CNTNAP5: variants seen among roughly 807,000 people sequenced by gnomAD.
CNTNAP5 encodes the protein contactin-associated protein-like 5.
Under a neutral mutation model 150.2 loss-of-function variants are expected in CNTNAP5, and 72 were observed. That is an observed-to-expected ratio of 0.48 (90% CI 0.40 to 0.58). The LOEUF (loss-of-function observed/expected upper bound fraction) is 0.58, where lower values mean the gene tolerates loss of function less well. Among genes scored for constraint, CNTNAP5 ranks in the 20% least tolerant of loss-of-function variants. CNTNAP5 has a pLI of 0.00. For synonymous variants in CNTNAP5, 672 were observed against 619.8 expected (o/e 1.08, Z -1.25); for missense variants, 1,636 against 1,626.2 (o/e 1.01, Z -0.10).
chr2:124,907,876 T>C (rs532851565), intron 22 of CNTNAP5, among the ~76,000 whole-genome samples: 89 of 151,022 alleles, frequency 5.9e-4, no homozygotes, highest in African/African-American at 1.9e-3. Context: ...AGTATTTTAT[T>C]TGTAGCTTTA....
intron 3 of CNTNAP5, among the ~76,000 whole-genome samples, chr2:124,276,379 T>C (rs1164884503): frequency 6.6e-6 from 1 of 152,200 alleles, no homozygotes; most frequent in Non-Finnish European, 1.5e-5. Context: ...AAAGGAAGTA[T>C]TGACTTATCT....
chr2:124,744,707 A>G (rs1055045349), intron 13 of CNTNAP5, among the ~76,000 whole-genome samples: 2 of 152,160 alleles, frequency 1.3e-5, no homozygotes, highest in Non-Finnish European at 2.9e-5. Flanking sequence ...TCCTGTCAGG[A>G]AAGAAAAAGT....
At chr2:124,884,373 A>G (rs1048416412) in intron 21 of CNTNAP5, among the ~76,000 whole-genome samples, 1 of 152,024 alleles carries the variant, frequency 6.6e-6, no homozygotes, top group African/African-American at 2.4e-5. Flanking sequence ...ATGCATGTCC[A>G]TGTGTGTGCC....
chr2:124,864,575 A>C lies in CNTNAP5; in HGVS notation c.3218-731A>C, dbSNP rs1035100206. 1.0e-3 allele frequency among the ~76,000 whole-genome samples: 4 copies of C among 3,968 alleles called. No individual in the cohort carries two copies. In the African/African-American group the frequency reaches 0.033, roughly 33 times the overall value. 2.6% of individuals were successfully genotyped at this position (3,968 alleles called of 152,430 possible). A position where few individuals can be genotyped will look rare whatever the true frequency, so the allele number is the denominator to read the frequency against. On this transcript the variant is annotated intron_variant, in intron 19 of 23. Transcript: ENST00000682447. ...CTCTCTCTCTGTCTCTCTGTGTCTC[A>C]CACACACACACACACACACACACAG... is the stretch of plus-strand genomic sequence containing the variant.
chr2:124,127,008 G>C (rs1424604131), intron 1 of CNTNAP5, among the ~76,000 whole-genome samples: 1 of 152,182 alleles, frequency 6.6e-6, no homozygotes, highest in East Asian at 1.9e-4. Flanking sequence ...ACAAGACAGG[G>C]ATGCCCTCTC....
intron 3 of CNTNAP5, among the ~76,000 whole-genome samples, chr2:124,325,532 T>A (rs547018083): frequency 6.7e-6 from 1 of 148,436 alleles, no homozygotes; most frequent in Non-Finnish European, 1.5e-5. Flanking sequence ...AAGTGATTTG[T>A]TTTTTTATTT....
chr2:124,889,334 G>A (rs575069606), intron 21 of CNTNAP5, among the ~76,000 whole-genome samples: 5 of 151,848 alleles, frequency 3.3e-5, no homozygotes, highest in African/African-American at 7.2e-5. Flanking sequence ...CAAGTTATCC[G>A]CCCGCCTTGG....
Position 124,869,848 on chromosome 2 carries a change from G to A in CNTNAP5, c.3436+86G>A, listed in dbSNP as rs2104725441. On this transcript the variant is annotated intron_variant, in intron 21 of 23. Transcript: ENST00000682447. The stretch of plus-strand genomic sequence containing the variant: ...TTTCATTAGGGTGTTTAAGGATTCA[G>A]GTCTGGAGCCTTTTGCTCCCATAAT... 5 of 775,798 alleles carry A rather than the reference G, an allele frequency of 6.4e-6. 1 individual carries two copies. In the South Asian group the frequency reaches 7.4e-5, roughly 11 times the overall value. The allele number at this position is 775,798 out of a possible 1,614,324, so 48.1% of individuals were successfully genotyped here. A position where few individuals can be genotyped will look rare whatever the true frequency, so the allele number is the denominator to read the frequency against.
At chr2:124,143,777 G>C (rs1283753180) in intron 1 of CNTNAP5, among the ~76,000 whole-genome samples, 1 of 131,246 alleles carries the variant, frequency 7.6e-6, no homozygotes, top group Non-Finnish European at 1.6e-5. Flanking sequence ...ACATAGTGTT[G>C]GAAGTTCTGG....
chr2:124,253,890 C>A (rs1687245337), intron 3 of CNTNAP5, among the ~76,000 whole-genome samples: 1 of 151,756 alleles, frequency 6.6e-6, no homozygotes. Context: ...CACACTAGAT[C>A]AGGATTATAT....
chr2:124,557,058 G>C (rs1442434349), intron 10 of CNTNAP5, among the ~76,000 whole-genome samples: 1 of 151,508 alleles, frequency 6.6e-6, no homozygotes, highest in East Asian at 1.9e-4. Context: ...TAAGGGTTCT[G>C]CTTCTGATCC....
intron 10 of CNTNAP5, among the ~76,000 whole-genome samples, chr2:124,545,964 A>G (rs1695502495): frequency 6.6e-6 from 1 of 152,152 alleles, no homozygotes; most frequent in Non-Finnish European, 1.5e-5. Flanking sequence ...GTTAGACCTC[A>G]GCCCTACCAA....
chr2:124,672,817 A>G (rs978666782), intron 13 of CNTNAP5, among the ~76,000 whole-genome samples: 11 of 152,190 alleles, frequency 7.2e-5, no homozygotes, highest in African/African-American at 2.7e-4. Context: ...AGTGACCAAG[A>G]AGATTTAAAG....
chr2:124,538,447 C>T (rs1403347478), intron 10 of CNTNAP5, among the ~76,000 whole-genome samples: 1 of 151,618 alleles, frequency 6.6e-6, no homozygotes, highest in East Asian at 2.0e-4. Flanking sequence ...CACTGCACTC[C>T]AGCCTGGGTG....
intron 1 of CNTNAP5, among the ~76,000 whole-genome samples, chr2:124,220,710 A>G (rs927815293): frequency 6.6e-6 from 1 of 152,150 alleles, no homozygotes; most frequent in African/African-American, 2.4e-5. Flanking sequence ...ATATGGCAGA[A>G]GACGAGAATG....
At position 124,148,904 on chromosome 2, in the gene CNTNAP5, A is replaced by G. The variant is rs553165113; in HGVS notation, c.83-72801A>G. Among the ~76,000 whole-genome samples the G allele has an allele frequency of 2.2e-4, 34 of 152,170 alleles. 1 individual carries two copies. The East Asian group carries it at 4.7e-3, about 21-fold the overall frequency. ...CACACACATATATGTATGTATATAT[A>G]CACATGTATACACACATATATGTAT... On this transcript the variant is annotated intron_variant, in intron 1 of 23. Coordinates refer to ENST00000682447, the MANE Select transcript of CNTNAP5 (RefSeq NM_001367498.1).
At chr2:124,246,558 T>C (rs1005473790) in intron 3 of CNTNAP5, among the ~76,000 whole-genome samples, 1 of 152,172 alleles carries the variant, frequency 6.6e-6, no homozygotes, top group Non-Finnish European at 1.5e-5. Flanking sequence ...AGCCAATGCT[T>C]GGTAAAGTGG....
At chr2:124,493,965 TACACACAC>T (rs58843895) in intron 7 of CNTNAP5, among the ~76,000 whole-genome samples, 3,081 of 143,686 alleles carry the variant, frequency 0.021, 47 homozygotes, top group East Asian at 0.03. Flanking sequence ...AAACCATAAA[TACACACAC>T]ACACACACAC....
intron 1 of CNTNAP5, among the ~76,000 whole-genome samples, chr2:124,178,913 T>G (rs1040375737): frequency 1.2e-5 from 1 of 86,010 alleles, no homozygotes; most frequent in Admixed American, 1.5e-4. Flanking sequence ...ATTTGTTATT[T>G]ATTTATTTAT....
Sources: allele counts gnomAD v4.1 joint callset (sites outside exome capture counted in the v4.1 genomes callset), GRCh38; gene constraint gnomAD v4.1.1; transcripts MANE v1.5; gene names NCBI Gene and HGNC (gene_info 2026-07-23, HGNC 2026-07-21).